NEDD9: variants seen among roughly 807,000 people sequenced by gnomAD.
NEDD9 encodes enhancer of filamentation 1.
A neutral mutation model predicts 76.6 loss-of-function variants in NEDD9; 26 were observed. That is an observed-to-expected ratio of 0.34 (90% CI 0.25 to 0.47). The LOEUF (loss-of-function observed/expected upper bound fraction) is 0.47. Ranked by LOEUF, NEDD9 falls within the 20% of genes least tolerant of loss-of-function variation. The pLI is 1.00. For synonymous variants in NEDD9, 392 were observed against 414.2 expected (o/e 0.95, Z 0.65); for missense variants, 937 against 1,058.5 (o/e 0.89, Z 1.59).
chr6:11,302,970 C>G (rs1442959085), intron 3 of NEDD9, among the ~76,000 whole-genome samples: 1 of 152,190 alleles, frequency 6.6e-6, no homozygotes, highest in Non-Finnish European at 1.5e-5. Flanking sequence ...CAGGGATGCC[C>G]TCTCTCACCA....
intron 1 of NEDD9, among the ~76,000 whole-genome samples, chr6:11,227,736 A>C (rs4713282): frequency 6.6e-6 from 1 of 152,022 alleles, no homozygotes; most frequent in African/African-American, 2.4e-5. Context: ...TCTGAGTTAC[A>C]GGTATCCTTT....
At chr6:11,289,180 TG>T (rs758814795) in intron 3 of NEDD9, among the ~76,000 whole-genome samples, 79 of 152,338 alleles carry the variant, frequency 5.2e-4, no homozygotes, top group Non-Finnish European at 9.4e-4. Context: ...TTTGAAGAGC[TG>T]GAACAGCTAG....
At chr6:11,200,914 C>A (rs372890721) in intron 2 of NEDD9, 12 of 1,611,722 alleles carry the variant, frequency 7.4e-6, no homozygotes, top group East Asian at 2.2e-5. Flanking sequence ...AAGAGAAAGA[C>A]GGCAAGCCTC....
chr6:11,248,430 T>C (rs1759851767), intron 3 of NEDD9, among the ~76,000 whole-genome samples: 1 of 152,348 alleles, frequency 6.6e-6, no homozygotes, highest in East Asian at 1.9e-4. Context: ...TCAAACCTCA[T>C]GCTTATAACC....
At chr6:11,284,845 A>T (rs151080331) in intron 3 of NEDD9, among the ~76,000 whole-genome samples, 2,624 of 151,080 alleles carry the variant, frequency 0.017, 73 homozygotes, top group African/African-American at 0.059. Context: ...AATATAACTA[A>T]TATTTATTAG....
intron 2 of NEDD9, among the ~76,000 whole-genome samples, chr6:11,308,727 C>A (rs955398330): frequency 6.6e-6 from 1 of 151,996 alleles, no homozygotes; most frequent in Non-Finnish European, 1.5e-5. Context: ...ATATTTAGAC[C>A]CATAATATGC....
intron 1 of NEDD9, among the ~76,000 whole-genome samples, chr6:11,372,504 T>C (rs1169168931): frequency 1.3e-5 from 2 of 152,220 alleles, no homozygotes; most frequent in African/African-American, 4.8e-5. Context: ...TCCTTTCTTT[T>C]GGGTATATGT....
chr6:11,186,914 C>T (rs1005844058), intron 6 of NEDD9, among the ~76,000 whole-genome samples: 1 of 152,196 alleles, frequency 6.6e-6, no homozygotes, highest in Non-Finnish European at 1.5e-5. Context: ...CCGTGCCCAG[C>T]CTTCAACAGC....
intron 1 of NEDD9, among the ~76,000 whole-genome samples, chr6:11,346,971 C>T (rs1301977371): frequency 6.6e-6 from 1 of 152,132 alleles, no homozygotes; most frequent in African/African-American, 2.4e-5. Flanking sequence ...TGCTCCAACC[C>T]CTTCCCCTCA....
chr6:11,331,052 T>C (rs968061960), intron 2 of NEDD9, among the ~76,000 whole-genome samples: 8 of 152,304 alleles, frequency 5.3e-5, no homozygotes, highest in African/African-American at 1.7e-4. Context: ...TACCCATGTT[T>C]CTAGAGAGGG....
At chr6:11,237,631 A>C (rs974535648), upstream of NEDD9, among the ~76,000 whole-genome samples, 2 of 152,168 alleles carry the variant, frequency 1.3e-5, no homozygotes, top group African/African-American at 4.8e-5. This position sits in a 1 kb window ranked among gnomAD's most constrained non-coding sequence, Gnocchi z 4.9. Context: ...TCTATAAATA[A>C]AATTTTATTG....
intron 3 of NEDD9, among the ~76,000 whole-genome samples, chr6:11,284,702 C>T (rs895897200): frequency 5.9e-5 from 9 of 151,416 alleles, no homozygotes; most frequent in African/African-American, 2.2e-4. Context: ...CCAATAATAT[C>T]TACCCTTTAT....
intron 2 of NEDD9, among the ~76,000 whole-genome samples, chr6:11,311,024 G>A (rs1279388976): frequency 6.6e-6 from 1 of 151,956 alleles, no homozygotes; most frequent in Non-Finnish European, 1.5e-5. Context: ...GCCTTCTATG[G>A]GACTTTTCTC....
chr6:11,218,067 G>A (rs1209570005), intron 1 of NEDD9, among the ~76,000 whole-genome samples: 1 of 152,192 alleles, frequency 6.6e-6, no homozygotes, highest in Non-Finnish European at 1.5e-5. Context: ...CGCTCTACAG[G>A]AGGATGGCAT....
At position 11,214,335 on chromosome 6, in the gene NEDD9, C is replaced by T. The variant is rs74594847; in HGVS notation, c.13-608G>A. The T allele has an allele frequency of 2.4e-3, 956 of 398,878 alleles. 32 individuals are homozygous for T. In the East Asian group the frequency reaches 0.056, roughly 24 times the overall value. The allele number at this position is 398,878 out of a possible 1,614,324, so 24.7% of individuals were successfully genotyped here. ...CAAGGCATGTAGACATGCCATCAAGCGTGGAGCATAGGCCAGCAGCCATAT... is the reference window on the plus strand; with the variant it reads ...CAAGGCATGTAGACATGCCATCAAGTGTGGAGCATAGGCCAGCAGCCATAT... On this transcript the variant is annotated intron_variant, in intron 1 of 6. Coordinates refer to ENST00000379446, the MANE Select transcript of NEDD9 (RefSeq NM_006403.4).
intron 3 of NEDD9, among the ~76,000 whole-genome samples, chr6:11,287,638 C>G (rs181415882): frequency 2.0e-5 from 3 of 152,130 alleles, no homozygotes; most frequent in Admixed American, 2.0e-4. Context: ...ATCCATTCTC[C>G]TCTACGTACT....
At chr6:11,332,253 G>A (rs1262195911) in intron 2 of NEDD9, among the ~76,000 whole-genome samples, 1 of 152,192 alleles carries the variant, frequency 6.6e-6, no homozygotes, top group African/African-American at 2.4e-5. Flanking sequence ...AGAACTGCCA[G>A]GTTTGTTTTC....
intron 2 of NEDD9, among the ~76,000 whole-genome samples, chr6:11,314,810 G>A (rs1020913152): frequency 6.6e-5 from 10 of 152,170 alleles, no homozygotes; most frequent in Admixed American, 3.3e-4. Context: ...GCAACTTCAG[G>A]CAGTTCAGCC....
At chr6:11,227,336 G>T (rs1759335860) in intron 1 of NEDD9, among the ~76,000 whole-genome samples, 1 of 152,152 alleles carries the variant, frequency 6.6e-6, no homozygotes, top group South Asian at 2.1e-4. Context: ...GAGCCAGCTT[G>T]CATTGTCTGC....
Sources: allele counts gnomAD v4.1 joint callset (sites outside exome capture counted in the v4.1 genomes callset), GRCh38; gene constraint gnomAD v4.1.1; non-coding constraint Gnocchi (gnomAD v3.1); transcripts MANE v1.5; gene names NCBI Gene and HGNC (gene_info 2026-07-23, HGNC 2026-07-21).